Variants in GALP observed in about 807,000 individuals in gnomAD.
GALP encodes the protein galanin-like peptide.
A neutral mutation model predicts 15.2 loss-of-function variants in GALP; 12 were observed. That is an observed-to-expected ratio of 0.79 (90% CI 0.51 to 1.28). The LOEUF (loss-of-function observed/expected upper bound fraction) is 1.28. Among genes scored for constraint, GALP ranks in the 50% most tolerant of loss-of-function variants. GALP has a pLI of 0.00. For synonymous variants in GALP, 58 were observed against 55.1 expected, an observed-to-expected ratio of 1.05 and a Z score of -0.23; for missense variants, 161 against 145.6, an observed-to-expected ratio of 1.11 and a Z score of -0.55.
chr19:56,184,258 G>A (rs151090882), intron 5 of GALP, among the ~76,000 whole-genome samples: 15 of 151,896 alleles, frequency 9.9e-5, no homozygotes, highest in Admixed American at 6.6e-4. Context: ...GCCAGGGACC[G>A]TTGTATTGTT....
At chr19:56,183,011 C>G (rs1232395041) in intron 4 of GALP, 124 bp from the exon 5 acceptor site, 2 of 685,224 alleles carry the variant, frequency 2.9e-6, no homozygotes, top group Non-Finnish European at 5.3e-6. Flanking sequence ...CCCTCCTCCC[C>G]CTGCTCCACC....
chr19:56,183,670 T>A (rs1357820885), intron 5 of GALP, among the ~76,000 whole-genome samples: 5 of 152,226 alleles, frequency 3.3e-5, no homozygotes. Flanking sequence ...CGATCTTGGC[T>A]GACTGCAACC....
At chr19:56,176,610 G>A (rs2032464964) in intron 1 of GALP, among the ~76,000 whole-genome samples, 1 of 135,746 alleles carries the variant, frequency 7.4e-6, no homozygotes. Flanking sequence ...CAGCTGCACC[G>A]GGGTGAGAGC....
intron 5 of GALP, among the ~76,000 whole-genome samples, chr19:56,184,173 A>G (rs867256010): frequency 1.3e-5 from 2 of 151,520 alleles, no homozygotes; most frequent in Non-Finnish European, 2.9e-5. Context: ...CCAGGCTGGT[A>G]TCCAACTCCT....
chr19:56,185,350 TG>T lies in GALP; in HGVS notation c.*81del. ...GAAACCTTTTCTAGGTACCCTATGC[TG>T]AGACTAAGATCCTGAAGTTAAATAC... On this transcript the variant is annotated 3_prime_UTR_variant, in exon 6 of 6. Transcript: ENST00000357330. 1.3e-6 allele frequency: 1 copy of T among 789,802 alleles called. No homozygotes were observed. Among genetic ancestry groups the T allele is most frequent in the Non-Finnish European group, 2.1e-6 (1 of 473,902 alleles). 48.9% of individuals were successfully genotyped at this position (789,802 alleles called of 1,614,324 possible).
intron 2 of GALP, 125 bp downstream of exon 2, chr19:56,177,320 T>C: frequency 1.3e-6 from 1 of 775,534 alleles, no homozygotes; most frequent in South Asian, 1.6e-5. Context: ...ATCCTGAAAA[T>C]ATGAGAAGAA....
chr19:56,179,570 G>C (rs1203203795), intron 2 of GALP, among the ~76,000 whole-genome samples: 2 of 151,312 alleles, frequency 1.3e-5, no homozygotes, highest in Non-Finnish European at 2.9e-5. Flanking sequence ...CGCCAGCCTT[G>C]GCCAAGAGCC....
At position 56,181,395 on chromosome 19, in the gene GALP, C is replaced by CTTTT. The variant is rs10656072; in HGVS notation, c.137-754_137-751dup. Among the ~76,000 whole-genome samples, 20 of 81,316 alleles carry CTTTT rather than the reference C, an allele frequency of 2.5e-4. 3 individuals carry two copies. The highest frequency in any genetic ancestry group is 3.8e-4 in the Non-Finnish European group (17 of 44,566). 53.3% of individuals were successfully genotyped at this position (81,316 alleles called of 152,430 possible). On this transcript the variant is annotated intron_variant, in intron 3 of 5. Coordinates refer to ENST00000357330, the MANE Select transcript of GALP (RefSeq NM_033106.4). ...CTGCTATTCTTTGTCTCTCTCTCTC[C>CTTTT]TTTTTTTTTTTTTTTTTTTTTTTTT...
chr19:56,184,144 C>T (rs989507366), intron 5 of GALP, among the ~76,000 whole-genome samples: 12 of 151,910 alleles, frequency 7.9e-5, no homozygotes, highest in East Asian at 1.9e-4. Context: ...TTAGTAGAGA[C>T]GGGGTTTTGC....
At chr19:56,183,313 GA>G (rs2032598493) in intron 5 of GALP, 101 bp downstream of exon 5, 2 of 959,440 alleles carry the variant, frequency 2.1e-6, no homozygotes, top group Non-Finnish European at 1.7e-6. Context: ...AAGGAAACTG[GA>G]ACCAACCAGG....
chr19:56,177,205 C>T lies in GALP; in HGVS notation c.87+10C>T, dbSNP rs764863341. On this transcript the variant is annotated intron_variant, in intron 2 of 5. Transcript: ENST00000357330. ...CGCACCTGCCCACCGGGTAACGCCT[C>T]CCTAAGTTCCTCGGAAACAACAGTG... The T allele has an allele frequency of 2.5e-6, 4 of 1,608,016 alleles. No individual in the cohort carries two copies. In the Admixed American group the frequency reaches 6.7e-5, roughly 27 times the overall value.
In GALP at chr19:56,177,155, T is replaced by C. The variant is rs1241680943; in HGVS notation, c.47T>C (p.Leu16Pro). The C allele has an allele frequency of 1.2e-5, 20 of 1,613,754 alleles. No individual in the cohort carries two copies. The highest frequency in any genetic ancestry group is 1.7e-5 in the Non-Finnish European group (20 of 1,179,932). ...VPLVLLLVLLLSLAETPASAP... is the reference protein window; with the variant it reads ...VPLVLLLVLLPSLAETPASAP... ...CTGGTCCTCCTCCTCGTCCTCTTGC[T>C]GAGCCTGGCAGAGACTCCAGCATCC... The change falls in exon 2 of 6, where the codon CTG becomes CCG. Residue 16 changes from leucine to proline, a missense_variant. Physicochemically the swap from Leu to Pro is moderately conservative, Grantham distance 98 (BLOSUM62 -3). Transcript: ENST00000357330.
At chr19:56,182,089 C>T (rs2032576208) in intron 3 of GALP, 83 bp from the exon 4 acceptor site, 2 of 967,588 alleles carry the variant, frequency 2.1e-6, no homozygotes, top group Non-Finnish European at 1.7e-6. Flanking sequence ...TCCGGTGAGC[C>T]ATGCTGTTGA....
At chr19:56,182,355 G>A (rs1360301714) in intron 4 of GALP, 103 bp downstream of exon 4, 9 of 801,206 alleles carry the variant, frequency 1.1e-5, no homozygotes, top group African/African-American at 3.5e-5. Flanking sequence ...TCACCCTGCC[G>A]CTTACTATTT....
intron 2 of GALP, among the ~76,000 whole-genome samples, chr19:56,179,374 G>A (rs62120813): frequency 0.22 from 32,130 of 147,440 alleles, 4,195 homozygotes; most frequent in African/African-American, 0.35. Context: ...GTGGCGCAAT[G>A]TCAGCTCACT....
intron 4 of GALP, among the ~76,000 whole-genome samples, chr19:56,182,705 C>A (rs765882204): frequency 1.3e-5 from 2 of 152,088 alleles, no homozygotes; most frequent in Non-Finnish European, 2.9e-5. Flanking sequence ...ATTACAGGCA[C>A]CTGACACCAC....
chr19:56,177,537 G>T (rs1247578650), intron 2 of GALP, among the ~76,000 whole-genome samples: 3 of 143,940 alleles, frequency 2.1e-5, no homozygotes, highest in African/African-American at 7.6e-5. Context: ...AAGAAGAAAT[G>T]GGGTTTCACC....
chr19:56,181,582 A>G (rs955954810), intron 3 of GALP, among the ~76,000 whole-genome samples: 4 of 151,398 alleles, frequency 2.6e-5, no homozygotes, highest in African/African-American at 7.3e-5. Flanking sequence ...CTAATTTTGT[A>G]TTTTTAGTGG....
chr19:56,176,925 A>T, intron 1 of GALP, 145 bp from the exon 2 acceptor site: 1 of 550,698 alleles, frequency 1.8e-6, no homozygotes, highest in Non-Finnish European at 3.2e-6. Context: ...ACACGTCCAA[A>T]CTCCTCAAGA....
Sources: allele counts gnomAD v4.1 joint callset (sites outside exome capture counted in the v4.1 genomes callset), GRCh38; gene constraint gnomAD v4.1.1; transcripts MANE v1.5; gene names NCBI Gene and HGNC (gene_info 2026-07-23, HGNC 2026-07-21).